Variants in PIAS1 observed in about 807,000 individuals in gnomAD.
PIAS1 encodes the protein E3 SUMO-protein ligase PIAS1.
PIAS1 carries 6 observed loss-of-function variants against 71.3 expected under a neutral mutation model. That is an observed-to-expected ratio of 0.08 (90% CI 0.05 to 0.17). PIAS1 has a LOEUF of 0.17. Among genes scored for constraint, PIAS1 ranks in the 10% least tolerant of loss-of-function variants. The probability of loss-of-function intolerance (pLI) is 1.00; values close to 1 mark genes in which losing one functional copy is unlikely to be tolerated. For missense variants in PIAS1, 555 were observed against 793.6 expected (o/e 0.70, Z 3.61); for synonymous variants, 303 against 292.9 (o/e 1.03, Z -0.35).
At chr15:68,075,280 T>G (rs1169849602) in intron 1 of PIAS1, among the ~76,000 whole-genome samples, 2 of 151,760 alleles carry the variant, frequency 1.3e-5, no homozygotes, top group Non-Finnish European at 2.9e-5. Context: ...GAGATGGAGT[T>G]TCACCATGCT....
chr15:68,165,288 A>AT (rs2092950547), intron 8 of PIAS1, among the ~76,000 whole-genome samples: 1 of 151,850 alleles, frequency 6.6e-6, no homozygotes, highest in Admixed American at 6.6e-5. Flanking sequence ...CACCTGGCTA[A>AT]TTTTGTATTT....
intron 2 of PIAS1, among the ~76,000 whole-genome samples, chr15:68,108,739 A>G (rs921525019): frequency 9.9e-5 from 15 of 152,082 alleles, no homozygotes; most frequent in African/African-American, 3.6e-4. Flanking sequence ...TTTGTTGCTC[A>G]AGTCAAAAAC....
At chr15:68,169,194 G>C (rs568162993) in intron 8 of PIAS1, among the ~76,000 whole-genome samples, 1 of 152,138 alleles carries the variant, frequency 6.6e-6, no homozygotes, top group Admixed American at 6.5e-5. Flanking sequence ...ATAGGAATTT[G>C]TATTTCATAG....
At chr15:68,093,604 T>A (rs1224697764) in intron 2 of PIAS1, among the ~76,000 whole-genome samples, 1 of 152,214 alleles carries the variant, frequency 6.6e-6, no homozygotes, top group East Asian at 1.9e-4. Flanking sequence ...GTTTATTTTG[T>A]GGGGGAACAA....
chr15:68,078,608 A>G (rs1303810794), intron 1 of PIAS1, among the ~76,000 whole-genome samples: 1 of 152,132 alleles, frequency 6.6e-6, no homozygotes, highest in Non-Finnish European at 1.5e-5. Context: ...TGAGCTTGTG[A>G]TAAGACATTG....
rs1315749416 is a variant in PIAS1, at chr15:68,174,483, T to G, written c.1169+591T>G. 6.6e-6 allele frequency among the ~76,000 whole-genome samples: 1 copy of G among 152,222 alleles called. No individual in the cohort carries two copies. Among genetic ancestry groups the G allele is most frequent in the Non-Finnish European group, 1.5e-5 (1 of 68,030 alleles). On this transcript the variant is annotated intron_variant, in intron 9 of 13. Coordinates refer to ENST00000249636, the MANE Select transcript of PIAS1 (RefSeq NM_016166.3). This position sits in a 1 kb window ranked among gnomAD's most constrained non-coding sequence, Gnocchi z 4.0. ...TCTGCAGCCCCCTTTTCCTCCTGCT[T>G]TTTGCCACTAAACAAAAACAAATTG... is the stretch of plus-strand genomic sequence containing the variant.
intron 2 of PIAS1, among the ~76,000 whole-genome samples, chr15:68,108,248 C>T (rs996382940): frequency 6.6e-6 from 1 of 152,100 alleles, no homozygotes; most frequent in African/African-American, 2.4e-5. Flanking sequence ...CATGCTTTTG[C>T]TTCATTCAAT....
At chr15:68,143,897 A>G (rs1024657315) in intron 4 of PIAS1, among the ~76,000 whole-genome samples, 23 of 152,118 alleles carry the variant, frequency 1.5e-4, no homozygotes, top group Admixed American at 5.2e-4. Flanking sequence ...TTTTGCTTAA[A>G]GACAGGGTCC....
chr15:68,172,190 T>G (rs1009245969), intron 8 of PIAS1, among the ~76,000 whole-genome samples: 2 of 152,162 alleles, frequency 1.3e-5, no homozygotes, highest in African/African-American at 4.8e-5. Flanking sequence ...TGTGATACTT[T>G]GCTCAGAATG....
rs1302077418 is a variant in PIAS1 at position 68,191,661 on chromosome 15, GCTAA to G, written c.*3829_*3832del. 4 of 152,564 alleles carry G rather than the reference GCTAA, an allele frequency of 2.6e-5. No homozygotes were observed. The highest frequency in any genetic ancestry group is 6.5e-5 in the Admixed American group (1 of 15,276). 9.5% of individuals were successfully genotyped at this position (152,564 alleles called of 1,614,324 possible). On this transcript the variant is annotated 3_prime_UTR_variant, in exon 14 of 14. Transcript: ENST00000249636. The stretch of plus-strand genomic sequence containing the variant: ...CATTTCCCTTTCTTGTTGAAATATG[GCTAA>G]CTCTTTAATAAATCACAGCATCTGT...
chr15:68,111,332 A>G (rs2092521667), intron 2 of PIAS1, among the ~76,000 whole-genome samples: 1 of 152,204 alleles, frequency 6.6e-6, no homozygotes, highest in African/African-American at 2.4e-5. Context: ...GACTAAAATA[A>G]TCTAGAAGAA....
In PIAS1 at chr15:68,086,544, C is replaced by T. The variant is rs752225524; in HGVS notation, c.263C>T (p.Thr88Ile). The change falls in exon 2 of 14, where the codon ACT becomes ATT. Residue 88 changes from threonine (T) to isoleucine (I), a missense_variant. Around this residue, in one of 5 missense-constraint regions of PIAS1, gnomAD observed 80 missense variants for 66.9 expected, o/e 1.20. Transcript: ENST00000249636. This position sits in a 1 kb window ranked among gnomAD's most constrained non-coding sequence, Gnocchi z 7.2. The part of the protein sequence containing the change: ...PNVHSSPMPA[T>I]LSPSTIPQLT... Reference sequence around the variant, plus strand: ...GTACATTCAAGTCCTATGCCAGCAACTTTGTCTCCATCTACCATTCCACAA... The same window carrying T: ...GTACATTCAAGTCCTATGCCAGCAATTTTGTCTCCATCTACCATTCCACAA... The T allele has an allele frequency of 2.5e-6, 4 of 1,613,798 alleles. No individual in the cohort carries two copies. The African/African-American group carries it at 5.3e-5, about 22-fold the overall frequency.
chr15:68,149,207 G>A (rs1308228026), intron 6 of PIAS1, among the ~76,000 whole-genome samples: 1 of 152,150 alleles, frequency 6.6e-6, no homozygotes, highest in Non-Finnish European at 1.5e-5. Context: ...TGAATAGGCA[G>A]TGGGGCAGAT....
rs1220178733 is a variant in PIAS1 at position 68,173,014 on chromosome 15, T to G, written c.1009-718T>G. ...TGCCACTTGGCAATTATGCCAAACA[T>G]CATGGGGAATGATCACTATTGATTC... On this transcript the variant is annotated intron_variant, in intron 8 of 13. Coordinates refer to ENST00000249636, the MANE Select transcript of PIAS1 (RefSeq NM_016166.3). This position sits in a 1 kb window ranked among gnomAD's most constrained non-coding sequence, Gnocchi z 4.3. Among the ~76,000 whole-genome samples, 1 of 152,224 alleles carries G rather than the reference T, an allele frequency of 6.6e-6. No homozygotes were observed. The highest frequency in any genetic ancestry group is 1.5e-5 in the Non-Finnish European group (1 of 68,040).
chr15:68,082,228 A>G (rs1170901776), intron 1 of PIAS1, among the ~76,000 whole-genome samples: 2 of 152,164 alleles, frequency 1.3e-5, no homozygotes, highest in East Asian at 3.8e-4. Flanking sequence ...GCTAGAGGAA[A>G]TACCCCACTA....
chr15:68,140,329 C>T (rs1408013429), intron 2 of PIAS1, among the ~76,000 whole-genome samples: 6 of 152,174 alleles, frequency 3.9e-5, no homozygotes, highest in African/African-American at 9.6e-5. Context: ...ATAGAGCCAA[C>T]GATTTAAATT....
At chr15:68,123,075 A>G (rs1038003889) in intron 2 of PIAS1, among the ~76,000 whole-genome samples, 1 of 151,418 alleles carries the variant, frequency 6.6e-6, no homozygotes, top group Non-Finnish European at 1.5e-5. Context: ...TTTGAGAGAG[A>G]AGGTCTCATT....
At chr15:68,145,512 CT>C (rs965137062) in intron 4 of PIAS1, among the ~76,000 whole-genome samples, 3 of 151,580 alleles carry the variant, frequency 2.0e-5, no homozygotes, top group Non-Finnish European at 4.4e-5. Context: ...GTCTTTTTTT[CT>C]TTTAACATCT....
In PIAS1 at chr15:68,188,000, A is replaced by G; in HGVS notation, c.*165A>G. ...TTAAAAGAAATGTACAGAGAACAAA[A>G]CTATATTTTCAGTTTTACTTTTGTA... On this transcript the variant is annotated 3_prime_UTR_variant, in exon 14 of 14. Transcript: ENST00000249636. This position sits in a 1 kb window ranked among gnomAD's most constrained non-coding sequence, Gnocchi z 5.3. The G allele has an allele frequency of 1.8e-6, 1 of 545,868 alleles. No individual in the cohort carries two copies. The highest frequency in any genetic ancestry group is 3.2e-6 in the Non-Finnish European group (1 of 315,354). The allele number at this position is 545,868 out of a possible 1,614,324, so 33.8% of individuals were successfully genotyped here.
Sources: allele counts gnomAD v4.1 joint callset (sites outside exome capture counted in the v4.1 genomes callset), GRCh38; gene constraint gnomAD v4.1.1; regional missense constraint gnomAD v4.1.1; non-coding constraint Gnocchi (gnomAD v3.1); transcripts MANE v1.5; gene names NCBI Gene and HGNC (gene_info 2026-07-23, HGNC 2026-07-21).